MYH4: variants seen among roughly 807,000 people sequenced by gnomAD.
MYH4 encodes the protein myosin-4.
MYH4 carries 200 observed loss-of-function variants against 229.9 expected under a neutral mutation model. That is an observed-to-expected ratio of 0.87 (90% CI 0.78 to 0.98). The LOEUF (loss-of-function observed/expected upper bound fraction) is 0.98, where lower values mean the gene tolerates loss of function less well. MYH4 is among the 50% of genes least tolerant of loss of function. The pLI is 0.00. For missense variants in MYH4, 2,148 were observed against 2,332.6 expected, an observed-to-expected ratio of 0.92 and a Z score of 1.63; for synonymous variants, 761 against 834.6, an observed-to-expected ratio of 0.91 and a Z score of 1.52.
rs778580920 is a variant in MYH4 at position 10,447,767 on chromosome 17, A to T, written c.4965+51T>A. 35 of 1,488,104 alleles carry T rather than the reference A, an allele frequency of 2.4e-5. No homozygotes were observed. In the South Asian group the frequency reaches 4.1e-4, roughly 17 times the overall value. The allele number at this position is 1,488,104 out of a possible 1,614,324, so 92.2% of individuals were successfully genotyped here. Reference sequence around the variant, plus strand: ...CTCGTAAAACATTAAAATTTGAGTTACACAGTAGCACTGAGACTGTACAAC... The same window carrying T: ...CTCGTAAAACATTAAAATTTGAGTTTCACAGTAGCACTGAGACTGTACAAC... On this transcript the variant is annotated intron_variant, in intron 34 of 39. Transcript: ENST00000255381.
rs2072765850 is a variant in MYH4, at chr17:10,466,283, C to CA, written c.337dup (p.Trp113LeufsTer26). ...TGAAAGGGTGCTCACGTAGATCATCCAGGCTGCGTAACGCTCTTTGAGGTT... is the reference window on the plus strand; with the variant it reads ...TGAAAGGGTGCTCACGTAGATCATCCAAGGCTGCGTAACGCTCTTTGAGGTT... On this transcript the variant is annotated frameshift_variant, in exon 4 of 40. Transcript: ENST00000255381. LOFTEE classifies it high-confidence loss of function. 1 of 1,613,826 alleles carries CA rather than the reference C, an allele frequency of 6.2e-7. No homozygotes were observed. Among genetic ancestry groups the CA allele is most frequent in the African/African-American group, 1.3e-5 (1 of 74,894 alleles).
Position 10,464,516 on chromosome 17 carries a change from T to G in MYH4, c.604A>C (p.Thr202Pro), listed in dbSNP as rs1405896872. Residue 202 changes from threonine (T) to proline (P), a missense_variant, in exon 7 of 40, where the codon ACT (threonine) becomes CCT (proline). Transcript: ENST00000255381. ...VIQYFATIAVTGEKKKEEPAS... is the reference protein window; with the variant it reads ...VIQYFATIAVPGEKKKEEPAS... ...GGTTCCTCTTTTTTCTTCTCTCCAG[T>G]AACTGCAATTGTTGCAAAGTACTGG... is the stretch of plus-strand genomic sequence containing the variant. 3 of 1,614,006 alleles carry G rather than the reference T, an allele frequency of 1.9e-6. No individual in the cohort carries two copies. The African/African-American group carries it at 4.0e-5, about 22-fold the overall frequency.
intron 25 of MYH4, 81 bp from the exon 26 acceptor site, chr17:10,452,587 A>G (rs997351979): frequency 1.3e-5 from 18 of 1,396,798 alleles, no homozygotes; most frequent in Middle Eastern, 2.4e-4. Flanking sequence ...GACTTTTTTT[A>G]TACTGCTGGT....
intron 15 of MYH4, 113 bp downstream of exon 15, chr17:10,459,138 G>A (rs189264077): frequency 4.0e-5 from 61 of 1,526,622 alleles, no homozygotes; most frequent in African/African-American, 5.5e-5. Flanking sequence ...CAGAATATAC[G>A]AGTGTGTCAG....
Position 10,452,121 on chromosome 17 carries a change from G to A in MYH4, c.3558C>T (p.Thr1186=), listed in dbSNP as rs1254112273. 6.2e-7 allele frequency: 1 copy of A among 1,614,004 alleles called. No homozygotes were observed. The highest frequency in any genetic ancestry group is 8.5e-7 in the Non-Finnish European group (1 of 1,180,002). The change falls in exon 27 of 40, where the codon ACC becomes ACT. Residue 1186 remains threonine, a synonymous_variant. Transcript: ENST00000255381. ...QKMRRDLEES[T]LQHEATAAAL... ...CAGCTGCCGTGGCTTCGTGCTGCAG[G>A]GTGGACTCTTCCAGGTCCCTGCGCA... is the stretch of plus-strand genomic sequence containing the variant.
Position 10,463,638 on chromosome 17 carries a change from G to T in MYH4, c.654C>A (p.Thr218=), listed in dbSNP as rs565511405. ...EEPASGKMQG[T]LEDQIISANP... The stretch of plus-strand genomic sequence containing the variant: ...TAGCACTGATGATTTGATCTTCAAG[G>T]GTCCCCTTAAGAGAAATGAATAAGA... Residue 218 remains threonine (T), a synonymous_variant, in exon 8 of 40, where the codon ACC becomes ACA. Coordinates refer to ENST00000255381, the MANE Select transcript of MYH4 (RefSeq NM_017533.2). 6.2e-6 allele frequency: 10 copies of T among 1,605,492 alleles called. No homozygotes were observed. In the South Asian group the frequency reaches 8.9e-5, roughly 14 times the overall value.
At position 10,443,450 on chromosome 17, in the gene MYH4, G is replaced by T. The variant is rs773152715; in HGVS notation, c.5745C>A (p.Asp1915Glu). The T allele has an allele frequency of 6.2e-7, 1 of 1,614,138 alleles. No individual in the cohort carries two copies. Among genetic ancestry groups the T allele is most frequent in the South Asian group, 1.1e-5 (1 of 91,078 alleles). ...GCTTGTTGACTTGGGACTCAGCAAT[G>T]TCAGCCCGTTCCTTGGCCTCCTCCA... ...HELEEAKERA[D>E]IAESQVNKLR... The change falls in exon 40 of 40, where the codon GAC becomes GAA. Residue 1915 changes from aspartate to glutamate, a missense_variant. Transcript: ENST00000255381. This position sits in a 1 kb window ranked among gnomAD's most constrained non-coding sequence, Gnocchi z 4.6.
At chr17:10,456,040 A>C in intron 17 of MYH4, 139 bp from the exon 18 acceptor site, 1 of 1,071,696 alleles carries the variant, frequency 9.3e-7, no homozygotes, top group Non-Finnish European at 1.4e-6. Context: ...GAGGAATCAT[A>C]TAAGTGGAGC....
intron 35 of MYH4, 93 bp from the exon 36 acceptor site, chr17:10,445,455 A>T: frequency 6.7e-7 from 1 of 1,490,948 alleles, no homozygotes; most frequent in East Asian, 2.3e-5. Flanking sequence ...AAAATTATTG[A>T]TCATAAGAAA....
chr17:10,454,866 C>T, intron 21 of MYH4, 56 bp from the exon 22 acceptor site: 1 of 1,610,080 alleles, frequency 6.2e-7, no homozygotes. Flanking sequence ...GTGATCATCA[C>T]TCAACAAAAG....
chr17:10,449,586 A>G (rs1368407213), intron 30 of MYH4, among the ~76,000 whole-genome samples: 2 of 152,218 alleles, frequency 1.3e-5, no homozygotes, highest in African/African-American at 4.8e-5. Flanking sequence ...TAGTATCTTT[A>G]AGCATTTTCT....
rs770240841 is a variant in MYH4 at position 10,452,858 on chromosome 17, G to T, written c.3186C>A (p.Asp1062Glu). The T allele has an allele frequency of 1.2e-6, 2 of 1,608,974 alleles. No homozygotes were observed. The highest frequency in any genetic ancestry group is 1.1e-5 in the South Asian group (1 of 89,098). ...TTGTGGATTCTTGGGCCAATTTTAG[G>T]TCACCCTCCAGTTTTCTCTTGGCTC... The part of the protein sequence containing the change: ...LERAKRKLEG[D>E]LKLAQESTMD... The change falls in exon 25 of 40, where the codon GAC (aspartate) becomes GAA (glutamate). Residue 1062 changes from aspartate to glutamate, a missense_variant. Coordinates refer to ENST00000255381, the MANE Select transcript of MYH4 (RefSeq NM_017533.2).
chr17:10,453,924 AT>A, intron 22 of MYH4, 39 bp from the exon 23 acceptor site: 1 of 1,611,690 alleles, frequency 6.2e-7, no homozygotes, highest in South Asian at 1.1e-5. Context: ...TGTCTGAGCT[AT>A]ATCTATAAGC....
chr17:10,453,737 A>G lies in MYH4; in HGVS notation c.2840T>C (p.Leu947Pro), dbSNP rs1334050691. 6.2e-7 allele frequency: 1 copy of G among 1,614,036 alleles called. No individual in the cohort carries two copies. The highest frequency in any genetic ancestry group is 8.5e-7 in the Non-Finnish European group (1 of 1,179,996). Reference protein sequence around the residue: ...NAELTAKKRKLEDECSELKKD... With the variant: ...NAELTAKKRKPEDECSELKKD... ...CTTGAGCTCTGAACATTCATCCTCC[A>G]GTTTCCTCTTCTTGGCTGTCAGCTC... Residue 947 changes from leucine (L) to proline (P), a missense_variant, in exon 23 of 40, where the codon CTG (leucine) becomes CCG (proline). Physicochemically the swap from Leu to Pro is moderately conservative, Grantham distance 98. Transcript: ENST00000255381.
chr17:10,452,313 C>A lies in MYH4; in HGVS notation c.3366G>T (p.Leu1122=). Residue 1122 remains leucine, a synonymous_variant, in exon 27 of 40, where the codon CTG becomes CTT. Coordinates refer to ENST00000255381, the MANE Select transcript of MYH4 (RefSeq NM_017533.2). ...CCCGCTCTGCCTCGATTTCCTCCTCCAGCTCCTCAATGCGGGCCTGGTTGT... is the reference window on the plus strand; with the variant it reads ...CCCGCTCTGCCTCGATTTCCTCCTCAAGCTCCTCAATGCGGGCCTGGTTGT... The part of the protein sequence containing the change: ...IKELQARIEE[L]EEEIEAERAS... 1 of 1,614,124 alleles carries A rather than the reference C, an allele frequency of 6.2e-7. No individual in the cohort carries two copies. The highest frequency in any genetic ancestry group is 8.5e-7 in the Non-Finnish European group (1 of 1,180,012).
intron 2 of MYH4, among the ~76,000 whole-genome samples, chr17:10,468,140 T>G (rs937741045): frequency 3.9e-5 from 6 of 152,244 alleles, no homozygotes; most frequent in Admixed American, 6.5e-5. Context: ...ATGTCAGGTT[T>G]TTTTTCTTTG....
In MYH4 at chr17:10,443,740, G is replaced by A. The variant is rs2072481591; in HGVS notation, c.5668-213C>T. ...ATTCGAGACCAGCCTGGCCAACATG[G>A]TGAAACCCCCATCTTTACTAAAATT... On this transcript the variant is annotated intron_variant, in intron 39 of 39. Coordinates refer to ENST00000255381, the MANE Select transcript of MYH4 (RefSeq NM_017533.2). This position sits in a 1 kb window ranked among gnomAD's most constrained non-coding sequence, Gnocchi z 4.6. Among the ~76,000 whole-genome samples, 1 of 152,072 alleles carries A rather than the reference G, an allele frequency of 6.6e-6. No homozygotes were observed. The highest frequency in any genetic ancestry group is 1.5e-5 in the Non-Finnish European group (1 of 68,022).
chr17:10,452,738 T>C (rs375713955), intron 25 of MYH4, 49 bp downstream of exon 25: 11 of 1,536,552 alleles, frequency 7.2e-6, no homozygotes, highest in African/African-American at 1.4e-5. Flanking sequence ...ATGTTTCATT[T>C]GCATTGACAT....
intron 28 of MYH4, 27 bp downstream of exon 28, chr17:10,451,299 G>T: frequency 1.2e-6 from 2 of 1,610,688 alleles, no homozygotes; most frequent in Non-Finnish European, 1.7e-6. Context: ...TCACCTCTCC[G>T]AAGGTTGATG....
Sources: gnomAD v4.1 joint callset for allele counts (sites outside exome capture counted in the v4.1 genomes callset) on GRCh38, gnomAD v4.1.1 for gene constraint, Gnocchi (gnomAD v3.1) non-coding constraint, MANE v1.5 for transcripts, NCBI Gene and HGNC (gene_info 2026-07-23, HGNC 2026-07-21) for gene names.